GNA14: variants seen among roughly 807,000 people sequenced by gnomAD.
The protein encoded by GNA14 is G protein subunit alpha 14, also known as guanine nucleotide-binding protein subunit alpha-14.
Under a neutral mutation model 42.0 loss-of-function variants are expected in GNA14, and 50 were observed. The ratio of observed to expected loss-of-function variants is 1.19; its 90% CI spans 0.95 to 1.51. The LOEUF is 1.51. Ranked by LOEUF, GNA14 falls within the 40% of genes most tolerant of loss-of-function variation. The pLI, the probability that GNA14 is intolerant of heterozygous loss-of-function variation, is 0.00. For missense variants in GNA14, 473 were observed against 446.2 expected, an observed-to-expected ratio of 1.06 and a Z score of -0.54; for synonymous variants, 173 against 163.1, an observed-to-expected ratio of 1.06 and a Z score of -0.46.
intron 3 of GNA14, 49 bp from the exon 4 acceptor site, chr9:77,431,498 A>T: frequency 6.4e-7 from 1 of 1,553,256 alleles, no homozygotes; most frequent in Non-Finnish European, 8.8e-7. Context: ...AGCAGGGGGA[A>T]ATGTCCATCC....
chr9:77,429,334 G>A (rs1835507457), intron 4 of GNA14, among the ~76,000 whole-genome samples: 2 of 152,092 alleles, frequency 1.3e-5, no homozygotes, highest in Admixed American at 6.5e-5. Flanking sequence ...AAACGCAAAC[G>A]TTCACTTGGG....
At chr9:77,636,415 AG>A (rs1435305547) in intron 1 of GNA14, among the ~76,000 whole-genome samples, 1 of 152,248 alleles carries the variant, frequency 6.6e-6, no homozygotes, top group African/African-American at 2.4e-5. Flanking sequence ...ACTTGACAAC[AG>A]GAGTATTACT....
chr9:77,556,211 T>A (rs531931006), intron 1 of GNA14, among the ~76,000 whole-genome samples: 1 of 152,254 alleles, frequency 6.6e-6, no homozygotes, highest in South Asian at 2.1e-4. Flanking sequence ...TCCATTGCAC[T>A]ACAGTCTGGG....
chr9:77,473,611 ATTTTTTTT>A (rs200957339), intron 2 of GNA14, among the ~76,000 whole-genome samples: 2 of 132,562 alleles, frequency 1.5e-5, no homozygotes, highest in Non-Finnish European at 3.3e-5. Context: ...TTTCACCTGG[ATTTTTTTT>A]TTTTTTTTTT....
intron 2 of GNA14, among the ~76,000 whole-genome samples, chr9:77,482,364 A>C (rs896634116): frequency 6.6e-6 from 1 of 152,222 alleles, no homozygotes; most frequent in African/African-American, 2.4e-5. Context: ...TCTTTTCTTT[A>C]AGAATGTTGA....
chr9:77,639,223 T>C (rs1824222557), intron 1 of GNA14, among the ~76,000 whole-genome samples: 1 of 152,162 alleles, frequency 6.6e-6, no homozygotes, highest in East Asian at 1.9e-4. Context: ...CCACCCCCTT[T>C]CCCTATGGTA....
At chr9:77,601,289 G>A (rs1210994596) in intron 1 of GNA14, among the ~76,000 whole-genome samples, 1 of 152,104 alleles carries the variant, frequency 6.6e-6, no homozygotes, top group African/African-American at 2.4e-5. Context: ...CACAAAAACC[G>A]AGATTTAGCT....
intron 2 of GNA14, among the ~76,000 whole-genome samples, chr9:77,500,629 C>G (rs973968054): frequency 1.3e-5 from 2 of 152,200 alleles, no homozygotes; most frequent in Non-Finnish European, 2.9e-5. Context: ...TCCTTAACTC[C>G]TGGCAACCAC....
At chr9:77,522,329 G>A (rs548752217) in intron 2 of GNA14, among the ~76,000 whole-genome samples, 33 of 152,316 alleles carry the variant, frequency 2.2e-4, no homozygotes, top group African/African-American at 7.5e-4. Context: ...TCTCAGAGCT[G>A]GAACTCTGGG....
At chr9:77,450,608 A>C (rs1359488093) in intron 2 of GNA14, among the ~76,000 whole-genome samples, 21 of 151,840 alleles carry the variant, frequency 1.4e-4, no homozygotes. Flanking sequence ...TTTCCATCTG[A>C]GATCGAACAA....
At chr9:77,647,550 A>T in intron 1 of GNA14, 120 bp downstream of exon 1, 1 of 1,125,032 alleles carries the variant, frequency 8.9e-7, no homozygotes, top group Non-Finnish European at 1.2e-6. Context: ...CGAGGGGGAG[A>T]AGGACGAAGC....
intron 1 of GNA14, among the ~76,000 whole-genome samples, chr9:77,542,724 G>T (rs1837675775): frequency 6.6e-6 from 1 of 152,210 alleles, no homozygotes; most frequent in African/African-American, 2.4e-5. Context: ...TGTGCAGGTG[G>T]GTGCCAGCTG....
intron 1 of GNA14, among the ~76,000 whole-genome samples, chr9:77,595,204 A>G (rs1196309013): frequency 1.3e-5 from 2 of 151,972 alleles, no homozygotes; most frequent in Non-Finnish European, 2.9e-5. Flanking sequence ...AGCAGTACAG[A>G]GCTGATGCTT....
At chr9:77,566,619 T>C (rs1265233433) in intron 1 of GNA14, among the ~76,000 whole-genome samples, 1 of 152,122 alleles carries the variant, frequency 6.6e-6, no homozygotes, top group Admixed American at 6.6e-5. Flanking sequence ...AATAAATAAA[T>C]CCAGCTAGAA....
At chr9:77,630,710 GTTTT>G (rs376071896) in intron 1 of GNA14, among the ~76,000 whole-genome samples, 1 of 151,922 alleles carries the variant, frequency 6.6e-6, no homozygotes, top group Non-Finnish European at 1.5e-5. Context: ...AGAAAAACTA[GTTTT>G]TTTTAGCTTA....
At chr9:77,624,437 T>A (rs1302107316) in intron 1 of GNA14, among the ~76,000 whole-genome samples, 1 of 152,138 alleles carries the variant, frequency 6.6e-6, no homozygotes, top group Non-Finnish European at 1.5e-5. Context: ...ACAGACTGCC[T>A]CCTCAAGTGG....
At chr9:77,623,215 T>A (rs1276010985) in intron 1 of GNA14, among the ~76,000 whole-genome samples, 1 of 5,858 alleles carries the variant, frequency 1.7e-4, no homozygotes, top group Admixed American at 3.8e-3. Flanking sequence ...AGACGCTGTC[T>A]CAAAAAAAAA....
chr9:77,525,840 GC>G (rs1292405162), intron 2 of GNA14, among the ~76,000 whole-genome samples: 1 of 149,062 alleles, frequency 6.7e-6, no homozygotes, highest in African/African-American at 2.5e-5. Flanking sequence ...ACCCGGCCGT[GC>G]CCCAGGATGG....
chr9:77,482,274 G>T (rs975201871), intron 2 of GNA14, among the ~76,000 whole-genome samples: 2 of 152,128 alleles, frequency 1.3e-5, no homozygotes, highest in South Asian at 2.1e-4. Context: ...GCATTTGCTT[G>T]TCTGTAAAGG....
Sources: allele counts gnomAD v4.1 joint callset (sites outside exome capture counted in the v4.1 genomes callset), GRCh38; gene constraint gnomAD v4.1.1; transcripts MANE v1.5; gene names NCBI Gene and HGNC (gene_info 2026-07-23, HGNC 2026-07-21).